CACHD1: variants seen among roughly 807,000 people sequenced by gnomAD.
CACHD1 encodes cache domain containing 1.
CACHD1 carries 71 observed loss-of-function variants against 138.7 expected under a neutral mutation model. That is an observed-to-expected ratio of 0.51 (90% CI 0.42 to 0.62). The LOEUF (loss-of-function observed/expected upper bound fraction) is 0.62, where lower values mean the gene tolerates loss of function less well. Ranked by LOEUF, CACHD1 falls within the 20% of genes least tolerant of loss-of-function variation. The pLI is 0.00. For missense variants in CACHD1, 1,389 were observed against 1,625.3 expected, an observed-to-expected ratio of 0.85 and a Z score of 2.50; for synonymous variants, 578 against 591.5, an observed-to-expected ratio of 0.98 and a Z score of 0.33.
intron 1 of CACHD1, among the ~76,000 whole-genome samples, chr1:64,482,066 A>T (rs985608821): frequency 5.3e-5 from 8 of 152,238 alleles, no homozygotes; most frequent in African/African-American, 1.9e-4. Context: ...TATAATATTT[A>T]TAAATGGTTT....
At chr1:64,632,542 A>C in intron 5 of CACHD1, 57 bp from the exon 6 acceptor site, 1 of 1,590,410 alleles carries the variant, frequency 6.3e-7, no homozygotes, top group South Asian at 1.1e-5. Flanking sequence ...AGCTGTGTTA[A>C]GTTGAGGCCC....
chr1:64,641,184 A>G (rs1218622844), intron 7 of CACHD1, among the ~76,000 whole-genome samples: 1 of 152,152 alleles, frequency 6.6e-6, no homozygotes. Context: ...CATTTTATAG[A>G]CAAAGAAAAT....
At chr1:64,477,637 T>TATTTTTTTTTTTA (rs1172198886) in intron 1 of CACHD1, among the ~76,000 whole-genome samples, 2 of 142,718 alleles carry the variant, frequency 1.4e-5, no homozygotes, top group African/African-American at 5.5e-5. Context: ...TTATTTTATT[T>TATTTTTTTTTTTA]TTTTTTTTGA....
At chr1:64,624,577 A>C (rs905859441) in intron 4 of CACHD1, among the ~76,000 whole-genome samples, 3 of 152,128 alleles carry the variant, frequency 2.0e-5, no homozygotes, top group Non-Finnish European at 4.4e-5. Context: ...ACACACACTC[A>C]TGTCAGCCAG....
intron 7 of CACHD1, among the ~76,000 whole-genome samples, chr1:64,639,316 A>G (rs1648623872): frequency 6.6e-6 from 1 of 152,204 alleles, no homozygotes; most frequent in Non-Finnish European, 1.5e-5. Context: ...GTTTAAATGA[A>G]CTGTTTAGGG....
At chr1:64,683,911 A>G (rs985851940) in intron 26 of CACHD1, among the ~76,000 whole-genome samples, 2 of 152,246 alleles carry the variant, frequency 1.3e-5, no homozygotes, top group Admixed American at 6.5e-5. Flanking sequence ...CCCATTAAAC[A>G]AGGAAATCTA....
At position 64,578,183 on chromosome 1, in the gene CACHD1, A is replaced by G. The variant is rs1353230196; in HGVS notation, c.262-3973A>G. On this transcript the variant is annotated intron_variant, in intron 2 of 26. Transcript: ENST00000651257. Reference sequence around the variant, plus strand: ...TTGTCTGAGGCACCGCAGCGAGTGCATGAGCACACAGACTTTGAATTTGTA... The same window carrying G: ...TTGTCTGAGGCACCGCAGCGAGTGCGTGAGCACACAGACTTTGAATTTGTA... Among the ~76,000 whole-genome samples the G allele has an allele frequency of 2.0e-5, 3 of 152,246 alleles. No individual in the cohort carries two copies. In the East Asian group the frequency reaches 5.8e-4, roughly 29 times the overall value.
At chr1:64,602,956 GCATTCAAGTTGAATAAA>G (rs1156428467) in intron 4 of CACHD1, 44 bp downstream of exon 4, 2 of 1,198,074 alleles carry the variant, frequency 1.7e-6, no homozygotes, top group East Asian at 4.7e-5. Flanking sequence ...GTATTCTACT[GCATTCAAGTTGAATAAA>G]CATATTGCTT....
At chr1:64,523,398 A>G (rs1255773057) in intron 1 of CACHD1, among the ~76,000 whole-genome samples, 1 of 152,202 alleles carries the variant, frequency 6.6e-6, no homozygotes, top group African/African-American at 2.4e-5. Context: ...TTAATATAGC[A>G]TTGAGGCATT....
chr1:64,522,469 G>A lies in CACHD1; in HGVS notation c.199-28125G>A, dbSNP rs557319751. Among the ~76,000 whole-genome samples the A allele has an allele frequency of 5.3e-5, 8 of 152,022 alleles. No individual in the cohort carries two copies. In the South Asian group the frequency reaches 1.0e-3, roughly 20 times the overall value. On this transcript the variant is annotated intron_variant, in intron 1 of 26. Transcript: ENST00000651257. ...ATTACAGGCACATGCAACCACGACC[G>A]GCTAAATTTTGTATTTTTAGTAGAG...
At chr1:64,656,179 G>A (rs1252494758) in intron 12 of CACHD1, among the ~76,000 whole-genome samples, 2 of 152,176 alleles carry the variant, frequency 1.3e-5, no homozygotes, top group Non-Finnish European at 2.9e-5. Flanking sequence ...TTACTAAAAT[G>A]CAAATGAAGC....
intron 1 of CACHD1, among the ~76,000 whole-genome samples, chr1:64,548,504 G>A (rs1428651045): frequency 6.6e-6 from 1 of 152,164 alleles, no homozygotes; most frequent in Non-Finnish European, 1.5e-5. Flanking sequence ...GCCTCTAAGA[G>A]CATTATAATG....
chr1:64,647,180 T>TA lies in CACHD1; in HGVS notation c.1157-614dup, dbSNP rs988275050. Among the ~76,000 whole-genome samples, 10 of 152,198 alleles carry TA rather than the reference T, an allele frequency of 6.6e-5. 1 individual carries two copies. The highest frequency in any genetic ancestry group is 5.2e-4 in the Admixed American group (8 of 15,282). On this transcript the variant is annotated intron_variant, in intron 8 of 26. Transcript: ENST00000651257. ...ACAAAGTTTCAAAACCCTCTAAATGTAAAAAAATTTGTATTAAGTAAATCA... is the reference window on the plus strand; with the variant it reads ...ACAAAGTTTCAAAACCCTCTAAATGTAAAAAAAATTTGTATTAAGTAAATCA...
At chr1:64,581,821 A>G (rs1157287438) in intron 2 of CACHD1, among the ~76,000 whole-genome samples, 5 of 152,182 alleles carry the variant, frequency 3.3e-5, no homozygotes, top group Non-Finnish European at 5.9e-5. Flanking sequence ...GTAACACACA[A>G]TGCCCACTGT....
chr1:64,564,380 G>A (rs117530501), intron 2 of CACHD1, among the ~76,000 whole-genome samples: 4,760 of 151,838 alleles, frequency 0.031, 115 homozygotes, highest in South Asian at 0.11. Flanking sequence ...AACTTGTGTC[G>A]CCACCCCCTT....
intron 8 of CACHD1, among the ~76,000 whole-genome samples, chr1:64,642,540 C>G (rs1233067279): frequency 6.6e-6 from 1 of 152,170 alleles, no homozygotes; most frequent in Non-Finnish European, 1.5e-5. Flanking sequence ...TGTCGAATGA[C>G]AGAATGTAAA....
At position 64,582,273 on chromosome 1, in the gene CACHD1, G is replaced by C. The variant is rs746243578; in HGVS notation, c.379G>C (p.Asp127His). Reference protein sequence around the residue: ...HLTSPLTAIQDCCTIPPSMME... With the variant: ...HLTSPLTAIQHCCTIPPSMME... ...AACCTCTCCCCTAACTGCAATTCAA[G>C]ACTGCTGTACTATCCCACCTTCCAT... The change falls in exon 3 of 27, where the codon GAC (aspartate) becomes CAC (histidine). Residue 127 changes from aspartate to histidine, a missense_variant. By Grantham distance (81) the Asp-to-His change is moderately conservative. Coordinates refer to ENST00000651257, the MANE Select transcript of CACHD1 (RefSeq NM_020925.4). 3.7e-5 allele frequency: 59 copies of C among 1,613,904 alleles called. No homozygotes were observed. Among genetic ancestry groups the C allele is most frequent in the Non-Finnish European group, 4.9e-5 (58 of 1,179,840 alleles).
chr1:64,595,767 C>A (rs1162655042), intron 3 of CACHD1, among the ~76,000 whole-genome samples: 1 of 152,178 alleles, frequency 6.6e-6, no homozygotes, highest in Non-Finnish European at 1.5e-5. Flanking sequence ...AAGGTCACAG[C>A]AGGGCCTTCT....
At chr1:64,567,525 C>CT (rs1221374527) in intron 2 of CACHD1, among the ~76,000 whole-genome samples, 2 of 152,068 alleles carry the variant, frequency 1.3e-5, no homozygotes. Context: ...TGCCACAACC[C>CT]TCTGATACAA....
Sources: gnomAD v4.1 joint callset for allele counts (sites outside exome capture counted in the v4.1 genomes callset) on GRCh38, gnomAD v4.1.1 for gene constraint, MANE v1.5 for transcripts, NCBI Gene and HGNC (gene_info 2026-07-23, HGNC 2026-07-21) for gene names.